GTF3C3: variants seen among roughly 807,000 people sequenced by gnomAD.
The protein encoded by GTF3C3 is general transcription factor IIIC subunit 3.
Under a neutral mutation model 105.2 loss-of-function variants are expected in GTF3C3, and 75 were observed. The ratio of observed to expected loss-of-function variants is 0.71; its 90% CI spans 0.59 to 0.86. The LOEUF (loss-of-function observed/expected upper bound fraction) is 0.86, where lower values mean the gene tolerates loss of function less well. Among genes scored for constraint, GTF3C3 ranks in the 40% least tolerant of loss-of-function variants. The pLI is 0.00. For synonymous variants in GTF3C3, 335 were observed against 370.4 expected (o/e 0.90, Z 1.10); for missense variants, 856 against 1,076.5 (o/e 0.80, Z 2.87).
At chr2:196,774,831 A>G (rs1699235820) in intron 13 of GTF3C3, among the ~76,000 whole-genome samples, 1 of 152,176 alleles carries the variant, frequency 6.6e-6, no homozygotes, top group Non-Finnish European at 1.5e-5. Context: ...AATCTTCACA[A>G]ATTTCTTAAA....
Position 196,776,641 on chromosome 2 carries a change from T to C in GTF3C3, c.1391-12A>G, listed in dbSNP as rs752785119. The C allele has an allele frequency of 1.3e-6, 2 of 1,588,528 alleles. No individual in the cohort carries two copies. The highest frequency in any genetic ancestry group is 3.4e-5 in the Admixed American group (2 of 59,376). Reference sequence around the variant, plus strand: ...GGCCTTTAAACATTCTAAGATGATGTTAAAATAAAGCAAAAGTATGAACTA... The same window carrying C: ...GGCCTTTAAACATTCTAAGATGATGCTAAAATAAAGCAAAAGTATGAACTA... On this transcript the variant is annotated splice_polypyrimidine_tract_variant and intron_variant, in intron 10 of 17. Transcript: ENST00000263956. The surrounding 1 kb of genome is among the most constrained non-coding windows in gnomAD (Gnocchi z 4.5).
At position 196,776,639 on chromosome 2, in the gene GTF3C3, T is replaced by C. The variant is rs968782297; in HGVS notation, c.1391-10A>G. On this transcript the variant is annotated splice_polypyrimidine_tract_variant and intron_variant, in intron 10 of 17. Coordinates refer to ENST00000263956, the MANE Select transcript of GTF3C3 (RefSeq NM_012086.5). This position sits in a 1 kb window ranked among gnomAD's most constrained non-coding sequence, Gnocchi z 4.5. ...AAGGCCTTTAAACATTCTAAGATGA[T>C]GTTAAAATAAAGCAAAAGTATGAAC... is the stretch of plus-strand genomic sequence containing the variant. 4.4e-6 allele frequency: 7 copies of C among 1,589,984 alleles called. No individual in the cohort carries two copies. The African/African-American group carries it at 8.1e-5, about 18-fold the overall frequency.
intron 8 of GTF3C3, among the ~76,000 whole-genome samples, chr2:196,781,357 A>AAAT: frequency 1.2e-3 from 23 of 18,820 alleles, no homozygotes; most frequent in South Asian, 3.3e-3. Context: ...AAAAAAAAAA[A>AAAT]ATATATATAT....
chr2:196,776,067 T>C lies in GTF3C3; in HGVS notation c.1638A>G (p.Gln546=). 3.1e-6 allele frequency: 5 copies of C among 1,601,834 alleles called. No individual in the cohort carries two copies. Among genetic ancestry groups the C allele is most frequent in the Non-Finnish European group, 3.4e-6 (4 of 1,173,288 alleles). The change falls in exon 12 of 18, where the codon CAA becomes CAG. Residue 546 remains glutamine, a synonymous_variant. Transcript: ENST00000263956. The surrounding 1 kb of genome is among the most constrained non-coding windows in gnomAD (Gnocchi z 4.5). ...TATCCACATAACCATACATTTTGCC[T>C]TGTGAAAACAACAGAGTAGAACGAT... ...LLHRSTLLFS[Q]GKMYGYVDTL...
chr2:196,763,740 GTTAAC>G lies in GTF3C3; in HGVS notation c.*818_*822del, dbSNP rs1050756587. 67 of 152,184 alleles carry G rather than the reference GTTAAC, an allele frequency of 4.4e-4. No individual in the cohort carries two copies. Among genetic ancestry groups the G allele is most frequent in the African/African-American group, 1.5e-3 (63 of 41,524 alleles). The allele number at this position is 152,184 out of a possible 1,614,324, so 9.4% of individuals were successfully genotyped here. ...AACAGTATATCATCTAAAAAGTACT[GTTAAC>G]TTAAATTCAAGAACATATAATAAAT... On this transcript the variant is annotated 3_prime_UTR_variant, in exon 18 of 18. Coordinates refer to ENST00000263956, the MANE Select transcript of GTF3C3 (RefSeq NM_012086.5).
chr2:196,780,031 T>A (rs1355225537), intron 9 of GTF3C3: 1 of 153,846 alleles, frequency 6.5e-6, no homozygotes. Flanking sequence ...CTGCCCCCAA[T>A]ATTCCTTATT....
intron 6 of GTF3C3, among the ~76,000 whole-genome samples, chr2:196,788,902 A>T (rs1699498724): frequency 6.6e-6 from 1 of 151,442 alleles, no homozygotes; most frequent in Admixed American, 6.6e-5. Flanking sequence ...CTGTCTCTAC[A>T]AAAAAAAATT....
At position 196,768,491 on chromosome 2, in the gene GTF3C3, A is replaced by T. The variant is rs368943328; in HGVS notation, c.2385+1424T>A. ...CGATTTTACTTTTAATACAATATAAAGGTAAGAAAGATAATAAACCATAAA... is the reference window on the plus strand; with the variant it reads ...CGATTTTACTTTTAATACAATATAATGGTAAGAAAGATAATAAACCATAAA... On this transcript the variant is annotated intron_variant, in intron 16 of 17. Transcript: ENST00000263956. Among the ~76,000 whole-genome samples, 9 of 152,334 alleles carry T rather than the reference A, an allele frequency of 5.9e-5. No individual in the cohort carries two copies. In the East Asian group the frequency reaches 1.3e-3, roughly 23 times the overall value.
chr2:196,772,361 C>T (rs1699188449), intron 14 of GTF3C3, among the ~76,000 whole-genome samples: 2 of 151,958 alleles, frequency 1.3e-5, no homozygotes, highest in African/African-American at 4.8e-5. Flanking sequence ...CCAGCCTGAC[C>T]AACATGGAGA....
Position 196,763,380 on chromosome 2 carries a change from TA to T in GTF3C3, c.*1182del, listed in dbSNP as rs1462848371. The T allele has an allele frequency of 6.6e-6, 1 of 152,184 alleles. No homozygotes were observed. The highest frequency in any genetic ancestry group is 2.4e-5 in the African/African-American group (1 of 41,442). 9.4% of individuals were successfully genotyped at this position (152,184 alleles called of 1,614,324 possible). On this transcript the variant is annotated 3_prime_UTR_variant, in exon 18 of 18. Transcript: ENST00000263956. ...AGAATTCCAACACACAAGTCTAACT[TA>T]TTACTGTATCTCAGTTACCTCTACC...
intron 16 of GTF3C3, among the ~76,000 whole-genome samples, chr2:196,767,910 A>G (rs1318857233): frequency 6.6e-6 from 1 of 152,250 alleles, no homozygotes; most frequent in Non-Finnish European, 1.5e-5. Context: ...GGATAACCTG[A>G]AAGACTATTC....
rs1699428521 is a variant in GTF3C3, at chr2:196,784,944, A to G, written c.1042-15T>C. The G allele has an allele frequency of 2.0e-6, 3 of 1,528,434 alleles. No homozygotes were observed. Among genetic ancestry groups the G allele is most frequent in the Non-Finnish European group, 2.7e-6 (3 of 1,105,932 alleles). The allele number at this position is 1,528,434 out of a possible 1,614,324, so 94.7% of individuals were successfully genotyped here. On this transcript the variant is annotated splice_polypyrimidine_tract_variant and intron_variant, in intron 7 of 17. Transcript: ENST00000263956. ...TCTGTAATTATCTAAAAGAATGGGA[A>G]AGAAGAAAGGAAATAAAATATGTGT...
chr2:196,781,357 A>ATATATATATATATATATATATAT (rs1553578902), intron 8 of GTF3C3, among the ~76,000 whole-genome samples: 3 of 18,822 alleles, frequency 1.6e-4, no homozygotes, highest in Non-Finnish European at 3.0e-4. Context: ...AAAAAAAAAA[A>ATATATATATATATATATATATAT]ATATATATAT....
In GTF3C3 at chr2:196,786,090, T is replaced by C. The variant is rs771420582; in HGVS notation, c.894-502A>G. Among the ~76,000 whole-genome samples, 1 of 152,176 alleles carries C rather than the reference T, an allele frequency of 6.6e-6. No individual in the cohort carries two copies. The highest frequency in any genetic ancestry group is 1.5e-5 in the Non-Finnish European group (1 of 68,026). The stretch of plus-strand genomic sequence containing the variant: ...ACCACCACCTGCCCAGCTGACCATG[T>C]TGACTGGTCTCACTCTAAACTGATG... On this transcript the variant is annotated intron_variant, in intron 6 of 17. Transcript: ENST00000263956. This position sits in a 1 kb window ranked among gnomAD's most constrained non-coding sequence, Gnocchi z 4.2.
chr2:196,775,926 T>C (rs1224684902), intron 12 of GTF3C3, 84 bp downstream of exon 12: 2 of 573,222 alleles, frequency 3.5e-6, no homozygotes, highest in Non-Finnish European at 3.0e-6. Context: ...AAAACAATTA[T>C]AAAGTAGTAT....
chr2:196,798,589 T>C (rs548951674), intron 1 of GTF3C3, among the ~76,000 whole-genome samples: 9 of 151,636 alleles, frequency 5.9e-5, no homozygotes, highest in African/African-American at 2.2e-4. Flanking sequence ...TATTAAAGAA[T>C]CTGCCGGCCG....
In GTF3C3 at chr2:196,790,041, G is replaced by C; in HGVS notation, c.565C>G (p.Leu189Val). 1 of 1,610,402 alleles carries C rather than the reference G, an allele frequency of 6.2e-7. No individual in the cohort carries two copies. Among genetic ancestry groups the C allele is most frequent in the Non-Finnish European group, 8.5e-7 (1 of 1,178,890 alleles). ...CCTTGGTCCTCATATATCATGGCTA[G>C]AGTAGAGAATGGCTCATAAGCCAGA... ...APLAYEPFST[L>V]AMIYEDQGDM... Residue 189 changes from leucine (L) to valine (V), a missense_variant, in exon 5 of 18, where the codon CTA (leucine) becomes GTA (valine). Leu to Val is a conservative substitution (Grantham distance 32). This residue lies in a region of GTF3C3 where 605 missense variants were observed against 833.6 expected (regional missense o/e 0.73). Transcript: ENST00000263956.
chr2:196,774,044 A>G (rs1352885493), intron 13 of GTF3C3, among the ~76,000 whole-genome samples: 1 of 152,252 alleles, frequency 6.6e-6, no homozygotes, highest in Non-Finnish European at 1.5e-5. Context: ...TCATACTTTG[A>G]GATTCAAGTT....
At chr2:196,766,750 C>T in intron 16 of GTF3C3, 33 bp from the exon 17 acceptor site, 2 of 1,565,880 alleles carry the variant, frequency 1.3e-6, no homozygotes, top group Non-Finnish European at 1.7e-6. Context: ...TTCAATATTT[C>T]ACTGATTTGA....
Sources: allele counts gnomAD v4.1 joint callset (sites outside exome capture counted in the v4.1 genomes callset), GRCh38; gene constraint gnomAD v4.1.1; regional missense constraint gnomAD v4.1.1; non-coding constraint Gnocchi (gnomAD v3.1); transcripts MANE v1.5; gene names NCBI Gene and HGNC (gene_info 2026-07-23, HGNC 2026-07-21).